The following HSPG2 variants were observed in gnomAD, a reference collection of about 807,000 sequenced individuals.
The protein encoded by HSPG2 is heparan sulfate proteoglycan 2.
HSPG2 carries 278 observed loss-of-function variants against 526.6 expected under a neutral mutation model. That is an observed-to-expected ratio of 0.53 (90% confidence interval 0.48 to 0.58). The LOEUF is 0.58. Among genes scored for constraint, HSPG2 ranks in the 20% least tolerant of loss-of-function variants. The pLI, the probability that HSPG2 is intolerant of heterozygous loss-of-function variation, is 0.00. For synonymous variants in HSPG2, 2,465 were observed against 2,555.4 expected, an observed-to-expected ratio of 0.96 and a Z score of 1.07; for missense variants, 5,354 against 6,099.5, an observed-to-expected ratio of 0.88 and a Z score of 4.07.
Position 21,822,283 on chromosome 1 carries a change from A to G in HSPG2, c.*1033T>C. 1 of 1,507,672 alleles carries G rather than the reference A, an allele frequency of 6.6e-7. No individual in the cohort carries two copies. The highest frequency in any genetic ancestry group is 1.4e-5 in the African/African-American group (1 of 73,002). The allele number at this position is 1,507,672 out of a possible 1,614,324, so 93.4% of individuals were successfully genotyped here. ...CCGTTTATTAAGAAAAATCAAGACA[A>G]AGACCACAGGAGGGTCCCTTCTAGG... On this transcript the variant is annotated 3_prime_UTR_variant, in exon 97 of 97. Transcript: ENST00000374695.
In HSPG2 at chr1:21,828,205, G is replaced by A. The variant is rs548943002; in HGVS notation, c.12409+50C>T. On this transcript the variant is annotated intron_variant, in intron 89 of 96. Transcript: ENST00000374695. This position sits in a 1 kb window ranked among gnomAD's most constrained non-coding sequence, Gnocchi z 6.0. Reference sequence around the variant, plus strand: ...TGGGTGGGCATGGGCTGGAGGTGTCGCTGACCACCTGTGCCCCTCCCCTCC... The same window carrying A: ...TGGGTGGGCATGGGCTGGAGGTGTCACTGACCACCTGTGCCCCTCCCCTCC... 17 of 1,612,686 alleles carry A rather than the reference G, an allele frequency of 1.1e-5. No homozygotes were observed. The highest frequency in any genetic ancestry group is 2.2e-5 in the East Asian group (1 of 44,876).
intron 25 of HSPG2, 39 bp downstream of exon 25, chr1:21,875,590 C>T: frequency 1.3e-6 from 2 of 1,525,162 alleles, no homozygotes; most frequent in South Asian, 1.1e-5. Context: ...GAGCCCCTCC[C>T]CAAGCCCATG....
At chr1:21,910,588 A>G (rs992327084) in intron 1 of HSPG2, among the ~76,000 whole-genome samples, 1 of 152,250 alleles carries the variant, frequency 6.6e-6, no homozygotes, top group Admixed American at 6.5e-5. Flanking sequence ...TTTGTGAAGC[A>G]GAATATAAGC....
At position 21,864,130 on chromosome 1, in the gene HSPG2, G is replaced by C; in HGVS notation, c.4710C>G (p.Asp1570Glu). ...CELCECNGHSDLCHPETGACS... is the reference protein window; with the variant it reads ...CELCECNGHSELCHPETGACS... ...AGGCCCCAGTCTCTGGGTGGCACAG[G>C]TCTGAGTGGCCATTGCATTCACATA... The change falls in exon 37 of 97, where the codon GAC becomes GAG. Residue 1570 changes from aspartate to glutamate, a missense_variant. By Grantham distance (45) the Asp-to-Glu change is conservative. Transcript: ENST00000374695. This position sits in a 1 kb window ranked among gnomAD's most constrained non-coding sequence, Gnocchi z 4.8. 6.4e-7 allele frequency: 1 copy of C among 1,556,372 alleles called. No individual in the cohort carries two copies. The highest frequency in any genetic ancestry group is 8.7e-7 in the Non-Finnish European group (1 of 1,149,970).
Position 21,834,832 on chromosome 1 carries a change from T to A in HSPG2, c.10567A>T (p.Ser3523Cys). Residue 3523 changes from serine (S) to cysteine (C), a missense_variant, in exon 77 of 97, where the codon AGC becomes TGC. Transcript: ENST00000374695. ...LGDPKPQVTWSKVGGHLRPGI... is the reference protein window; with the variant it reads ...LGDPKPQVTWCKVGGHLRPGI... ...GGCCGCAGGTGCCCTCCAACTTTGCTCCATGTCACCTGAGGCTTGGGGTCA... is the reference window on the plus strand; with the variant it reads ...GGCCGCAGGTGCCCTCCAACTTTGCACCATGTCACCTGAGGCTTGGGGTCA... 1 of 1,614,180 alleles carries A rather than the reference T, an allele frequency of 6.2e-7. No homozygotes were observed.
intron 71 of HSPG2, among the ~76,000 whole-genome samples, chr1:21,840,312 T>C (rs1019500637): frequency 1.3e-5 from 2 of 151,596 alleles, no homozygotes; most frequent in Admixed American, 6.6e-5. Context: ...TAATTTTGTT[T>C]GTTTGTTTGT....
rs1171302876 is a variant in HSPG2 at position 21,893,800 on chromosome 1, A to G, written c.244+2122T>C. Among the ~76,000 whole-genome samples, 2 of 151,878 alleles carry G rather than the reference A, an allele frequency of 1.3e-5. No homozygotes were observed. The highest frequency in any genetic ancestry group is 2.9e-5 in the Non-Finnish European group (2 of 67,940). The stretch of plus-strand genomic sequence containing the variant: ...AAGAGACAGAAAGACAGAGACAGAG[A>G]TAAAGAAAGTGGGGCGGGGGAGAAT... On this transcript the variant is annotated intron_variant, in intron 3 of 96. Coordinates refer to ENST00000374695, the MANE Select transcript of HSPG2 (RefSeq NM_005529.7). This position sits in a 1 kb window ranked among gnomAD's most constrained non-coding sequence, Gnocchi z 4.3.
intron 17 of HSPG2, 87 bp downstream of exon 17, chr1:21,880,020 G>A: frequency 2.1e-6 from 3 of 1,463,380 alleles, no homozygotes; most frequent in Non-Finnish European, 2.9e-6. Context: ...CATTCTGGAG[G>A]CTTGTGCTGA....
At chr1:21,829,659 G>T in intron 86 of HSPG2, 55 bp from the exon 87 acceptor site, 3 of 1,466,994 alleles carry the variant, frequency 2.0e-6, no homozygotes, top group Non-Finnish European at 2.8e-6. Flanking sequence ...CTCGGGTGGG[G>T]TCCAGCTACT....
intron 55 of HSPG2, among the ~76,000 whole-genome samples, chr1:21,851,140 T>G (rs1638861241): frequency 6.6e-6 from 1 of 152,036 alleles, no homozygotes; most frequent in Non-Finnish European, 1.5e-5. Flanking sequence ...GCCCGGCTAA[T>G]TTTTATATTT....
At position 21,822,462 on chromosome 1, in the gene HSPG2, A is replaced by G. The variant is rs2097954265; in HGVS notation, c.*854T>C. 5 of 537,258 alleles carry G rather than the reference A, an allele frequency of 9.3e-6. No individual in the cohort carries two copies. The highest frequency in any genetic ancestry group is 7.7e-5 in the African/African-American group (4 of 52,278). The allele number at this position is 537,258 out of a possible 1,614,324, so 33.3% of individuals were successfully genotyped here. ...AGTCCTGCCTTCCCCCACCTAAGGC[A>G]CTAGCTCTTCCTGAGCACCAGCGGC... On this transcript the variant is annotated 3_prime_UTR_variant, in exon 97 of 97. Coordinates refer to ENST00000374695, the MANE Select transcript of HSPG2 (RefSeq NM_005529.7).
chr1:21,875,501 G>A (rs562672098), intron 25 of HSPG2, 128 bp downstream of exon 25: 33 of 772,896 alleles, frequency 4.3e-5, no homozygotes, highest in South Asian at 1.4e-4. Flanking sequence ...AAGACTCTCC[G>A]TTTTACAGAC....
At chr1:21,894,862 C>A (rs12402710) in intron 3 of HSPG2, among the ~76,000 whole-genome samples, 4 of 149,814 alleles carry the variant, frequency 2.7e-5, no homozygotes, top group African/African-American at 9.8e-5. Context: ...CACCCAGCTC[C>A]CAGGCATCCT....
At chr1:21,905,165 A>ACC (rs1643304395) in intron 1 of HSPG2, among the ~76,000 whole-genome samples, 1 of 92,734 alleles carries the variant, frequency 1.1e-5, no homozygotes, top group East Asian at 4.2e-4. Context: ...CACACCCACC[A>ACC]CCCACCCACA....
Position 21,828,105 on chromosome 1 carries a change from A to G in HSPG2, c.12457T>C (p.Cys4153Arg). 6.5e-7 allele frequency: 1 copy of G among 1,541,554 alleles called. No homozygotes were observed. The highest frequency in any genetic ancestry group is 8.8e-7 in the Non-Finnish European group (1 of 1,134,992). Reference protein sequence around the residue: ...EENPCQLREPCLHGGTCQGTR... With the variant: ...EENPCQLREPRLHGGTCQGTR... ...CCCTGGCAGGTGCCCCCATGCAGAC[A>G]GGGTTCACGGAGCTGGCAGGGGTTC... Residue 4153 changes from cysteine to arginine, a missense_variant, in exon 90 of 97, where the codon TGT (cysteine) becomes CGT (arginine). Transcript: ENST00000374695. The surrounding 1 kb of genome is among the most constrained non-coding windows in gnomAD (Gnocchi z 6.0).
intron 91 of HSPG2, 22 bp downstream of exon 91, chr1:21,827,841 G>C: frequency 6.4e-7 from 1 of 1,569,944 alleles, no homozygotes; most frequent in Non-Finnish European, 8.6e-7. Flanking sequence ...AAGCTGGGGA[G>C]GAGGCCATGG....
intron 3 of HSPG2, among the ~76,000 whole-genome samples, chr1:21,892,877 A>AAG (rs1553174371): frequency 6.6e-5 from 10 of 150,716 alleles, no homozygotes; most frequent in African/African-American, 2.4e-4. Context: ...AAAAAAAAAA[A>AAG]AAAGAAAAGA....
chr1:21,867,008 C>T (rs1640277031), intron 33 of HSPG2, among the ~76,000 whole-genome samples: 1 of 151,512 alleles, frequency 6.6e-6, no homozygotes, highest in Non-Finnish European at 1.5e-5. Flanking sequence ...CTGGGACTGA[C>T]TTTCTGGCAA....
chr1:21,923,499 C>T (rs1569633853), intron 1 of HSPG2, among the ~76,000 whole-genome samples: 1 of 152,210 alleles, frequency 6.6e-6, no homozygotes, highest in Non-Finnish European at 1.5e-5. Flanking sequence ...ACGATAAAAT[C>T]GGCCTGCCCT....
Sources: gnomAD v4.1 joint callset for allele counts (sites outside exome capture counted in the v4.1 genomes callset) on GRCh38, gnomAD v4.1.1 for gene constraint, Gnocchi (gnomAD v3.1) non-coding constraint, MANE v1.5 for transcripts, NCBI Gene and HGNC (gene_info 2026-07-23, HGNC 2026-07-21) for gene names.